The following MAML3 variants were observed in gnomAD, a reference collection of about 807,000 sequenced individuals.
MAML3 encodes the protein mastermind-like protein 3.
In MAML3, 27 loss-of-function variants were observed where a neutral mutation model predicts 101.9. The ratio of observed to expected loss-of-function variants is 0.27; its 90% CI spans 0.20 to 0.37. MAML3 has a LOEUF of 0.37. Ranked by LOEUF, MAML3 falls within the 10% of genes least tolerant of loss-of-function variation. The pLI is 1.00. For missense variants in MAML3, 1,316 were observed against 1,444.9 expected (o/e 0.91, Z 1.45); for synonymous variants, 501 against 555.9 (o/e 0.90, Z 1.39).
At chr4:139,898,370 C>T (rs545383909) in intron 1 of MAML3, among the ~76,000 whole-genome samples, 4 of 152,314 alleles carry the variant, frequency 2.6e-5, no homozygotes, top group South Asian at 2.1e-4. Context: ...AGAGAACATA[C>T]GAAGTGATTT....
At chr4:140,024,227 A>AC in intron 1 of MAML3, among the ~76,000 whole-genome samples, 1 of 140,094 alleles carries the variant, frequency 7.1e-6, no homozygotes, top group South Asian at 2.3e-4. Flanking sequence ...GGATTGATTG[A>AC]TTTTTTTTTT....
At chr4:139,953,418 G>A in intron 1 of MAML3, among the ~76,000 whole-genome samples, 1 of 152,166 alleles carries the variant, frequency 6.6e-6, no homozygotes. Context: ...TTGAGGTCAG[G>A]AGTTTCAGAC....
At chr4:140,005,166 A>G (rs954290011) in intron 1 of MAML3, among the ~76,000 whole-genome samples, 2 of 152,202 alleles carry the variant, frequency 1.3e-5, no homozygotes, top group African/African-American at 4.8e-5. Context: ...TGGTTAAGAC[A>G]ATGCAGAGGG....
rs1003212336 is a variant in MAML3, at chr4:139,735,118, C to T, written c.2080-4451G>A. Among the ~76,000 whole-genome samples the T allele has an allele frequency of 1.3e-5, 2 of 152,198 alleles. No individual in the cohort carries two copies. Among genetic ancestry groups the T allele is most frequent in the African/African-American group, 4.8e-5 (2 of 41,446 alleles). On this transcript the variant is annotated intron_variant, in intron 2 of 4. Coordinates refer to ENST00000509479, the MANE Select transcript of MAML3 (RefSeq NM_018717.5). The surrounding 1 kb of genome is among the most constrained non-coding windows in gnomAD (Gnocchi z 5.8). Reference sequence around the variant, plus strand: ...CTGGGCGAGCGCTGCGAACGTGGAGCCAGGCAGTCAAGTGTTACTGCGTAC... The same window carrying T: ...CTGGGCGAGCGCTGCGAACGTGGAGTCAGGCAGTCAAGTGTTACTGCGTAC...
chr4:140,109,980 C>T (rs1215243323), intron 1 of MAML3, among the ~76,000 whole-genome samples: 2 of 152,194 alleles, frequency 1.3e-5, no homozygotes. Flanking sequence ...TTATTCCTCT[C>T]ACATGGCTGC....
chr4:139,888,390 T>C (rs1208313752), intron 2 of MAML3, among the ~76,000 whole-genome samples: 2 of 152,214 alleles, frequency 1.3e-5, no homozygotes, highest in East Asian at 3.8e-4. Context: ...CCTGGAAGAA[T>C]TGAGGCACAG....
chr4:139,823,262 C>T, intron 2 of MAML3, among the ~76,000 whole-genome samples: 1 of 152,300 alleles, frequency 6.6e-6, no homozygotes, highest in Non-Finnish European at 1.5e-5. Context: ...CTGACAAAGG[C>T]AGAAAGAAAC....
intron 1 of MAML3, among the ~76,000 whole-genome samples, chr4:139,983,565 T>G (rs1734483392): frequency 6.6e-6 from 1 of 152,196 alleles, no homozygotes; most frequent in Admixed American, 6.5e-5. Flanking sequence ...GTTGAGCATC[T>G]GAAATCCAAA....
intron 1 of MAML3, among the ~76,000 whole-genome samples, chr4:140,071,045 C>G (rs544135707): frequency 5.7e-4 from 86 of 152,208 alleles, no homozygotes; most frequent in Non-Finnish European, 1.0e-3. Flanking sequence ...TTTTTCTGCC[C>G]TGAACTCCAG....
chr4:139,720,239 C>T lies in MAML3; in HGVS notation c.2501G>A (p.Gly834Asp), dbSNP rs1728180161. The change falls in exon 5 of 5, where the codon GGC becomes GAC. Residue 834 changes from glycine (G) to aspartate (D), a missense_variant. Physicochemically the swap from Gly to Asp is moderately conservative, Grantham distance 94. Transcript: ENST00000509479. Reference protein sequence around the residue: ...RTSRLMAQNAGMMGIGPSQNP... With the variant: ...RTSRLMAQNADMMGIGPSQNP... Reference sequence around the variant, plus strand: ...CTGGGAGGGTCCTATTCCCATCATGCCTGCGTTCTGTGCCATCAGCCGTGA... The same window carrying T: ...CTGGGAGGGTCCTATTCCCATCATGTCTGCGTTCTGTGCCATCAGCCGTGA... The T allele has an allele frequency of 1.9e-6, 3 of 1,608,118 alleles. No homozygotes were observed. The highest frequency in any genetic ancestry group is 1.3e-5 in the African/African-American group (1 of 74,854).
chr4:140,141,655 C>T (rs1047653246), intron 1 of MAML3, among the ~76,000 whole-genome samples: 4 of 152,170 alleles, frequency 2.6e-5, no homozygotes, highest in Non-Finnish European at 5.9e-5. Flanking sequence ...TCAGTAAAAC[C>T]TCTTTAAGGG....
At chr4:139,731,626 G>GAATTGAGT (rs1403153429) in intron 2 of MAML3, among the ~76,000 whole-genome samples, 1 of 151,208 alleles carries the variant, frequency 6.6e-6, no homozygotes, top group Non-Finnish European at 1.5e-5. Context: ...CAAAAAAAAA[G>GAATTGAGT]AATTGAGTCT....
intron 1 of MAML3, among the ~76,000 whole-genome samples, chr4:139,946,931 T>A (rs4992243): frequency 0.016 from 1,122 of 71,910 alleles, 4 homozygotes; most frequent in African/African-American, 0.043. Context: ...ACACACTCTC[T>A]CTCTCTCTCT....
intron 2 of MAML3, among the ~76,000 whole-genome samples, chr4:139,815,605 C>T (rs992227700): frequency 7.2e-5 from 11 of 152,144 alleles, no homozygotes; most frequent in African/African-American, 2.4e-4. Flanking sequence ...AAAATTAATA[C>T]AATGATCAGT....
chr4:140,098,231 G>T (rs955926667), intron 1 of MAML3, among the ~76,000 whole-genome samples: 3 of 152,170 alleles, frequency 2.0e-5, no homozygotes, highest in Non-Finnish European at 4.4e-5. Context: ...TTCGCAGTAT[G>T]CTCAAAAGGG....
chr4:139,869,442 C>T (rs1370541531), intron 2 of MAML3, among the ~76,000 whole-genome samples: 3 of 152,306 alleles, frequency 2.0e-5, no homozygotes, highest in African/African-American at 4.8e-5. Flanking sequence ...CTTTAGGATG[C>T]TGCAGACAAG....
chr4:139,792,206 C>A (rs1730425833), intron 2 of MAML3, among the ~76,000 whole-genome samples: 1 of 152,172 alleles, frequency 6.6e-6, no homozygotes, highest in Non-Finnish European at 1.5e-5. Flanking sequence ...TTTTTACTGT[C>A]ACACAAAAGG....
At chr4:139,995,106 GTTTTGTCAAATGA>G (rs905563174) in intron 1 of MAML3, among the ~76,000 whole-genome samples, 6 of 151,996 alleles carry the variant, frequency 3.9e-5, no homozygotes, top group South Asian at 2.1e-4. Context: ...TGGGTGTTGG[GTTTTGTCAAATGA>G]TTTTGTCAAA....
At chr4:140,094,085 C>G (rs1298458985) in intron 1 of MAML3, among the ~76,000 whole-genome samples, 2 of 152,326 alleles carry the variant, frequency 1.3e-5, no homozygotes, top group East Asian at 3.9e-4. Flanking sequence ...TGCCAATGAG[C>G]TCTGCCAGGC....
Sources: allele counts gnomAD v4.1 joint callset (sites outside exome capture counted in the v4.1 genomes callset), GRCh38; gene constraint gnomAD v4.1.1; non-coding constraint Gnocchi (gnomAD v3.1); transcripts MANE v1.5; gene names NCBI Gene and HGNC (gene_info 2026-07-23, HGNC 2026-07-21).